TNIK: variants seen among roughly 807,000 people sequenced by gnomAD.
TNIK encodes the protein TRAF2 and NCK interacting kinase.
In TNIK, 49 loss-of-function variants were observed where a neutral mutation model predicts 191.3. The ratio of observed to expected loss-of-function variants is 0.26; its 90% CI spans 0.20 to 0.32. The LOEUF is 0.32. Among genes scored for constraint, TNIK ranks in the 10% least tolerant of loss-of-function variants. The pLI is 1.00. For synonymous variants in TNIK, 594 were observed against 600.9 expected, an observed-to-expected ratio of 0.99 and a Z score of 0.17; for missense variants, 1,155 against 1,702.3, an observed-to-expected ratio of 0.68 and a Z score of 5.66.
At chr3:171,331,071 A>G (rs1756376747) in intron 2 of TNIK, among the ~76,000 whole-genome samples, 1 of 152,222 alleles carries the variant, frequency 6.6e-6, no homozygotes, top group South Asian at 2.1e-4. Flanking sequence ...CATGAAAACA[A>G]GATTTTGTGA....
chr3:171,160,217 C>G (rs1264909444), intron 11 of TNIK, among the ~76,000 whole-genome samples: 1 of 152,164 alleles, frequency 6.6e-6, no homozygotes, highest in Non-Finnish European at 1.5e-5. Flanking sequence ...CTTGAGGAAT[C>G]CTGTGGCAGG....
chr3:171,453,235 G>C (rs143246308), intron 1 of TNIK, among the ~76,000 whole-genome samples: 3 of 152,220 alleles, frequency 2.0e-5, no homozygotes, highest in African/African-American at 7.2e-5. Flanking sequence ...GAATTGTCTA[G>C]TAGTGAATAT....
rs1406119597 is a variant in TNIK at position 171,317,067 on chromosome 3, GTACT to G, written c.123+52549_123+52552del. On this transcript the variant is annotated intron_variant, in intron 2 of 32. Coordinates refer to ENST00000436636, the MANE Select transcript of TNIK (RefSeq NM_015028.4). ...ATAATTAAAAGATCGTATCTGAAAA[GTACT>G]TAAATAGGATAATATCACAGGTCCT... 2.0e-5 allele frequency among the ~76,000 whole-genome samples: 3 copies of G among 150,498 alleles called. No individual in the cohort carries two copies. The East Asian group carries it at 5.8e-4, about 29-fold the overall frequency.
chr3:171,086,994 G>A (rs1055838025), intron 24 of TNIK, among the ~76,000 whole-genome samples: 9 of 152,194 alleles, frequency 5.9e-5, no homozygotes, highest in East Asian at 1.9e-4. Flanking sequence ...TCAACTGTTG[G>A]CCTTGAAATC....
chr3:171,359,688 CA>C (rs1015200040), intron 2 of TNIK, among the ~76,000 whole-genome samples: 2 of 152,060 alleles, frequency 1.3e-5, no homozygotes, highest in Non-Finnish European at 2.9e-5. Context: ...TTTGCATATG[CA>C]AAATATCCAA....
At chr3:171,102,482 C>T (rs554705850) in intron 21 of TNIK, among the ~76,000 whole-genome samples, 20 of 152,184 alleles carry the variant, frequency 1.3e-4, no homozygotes, top group African/African-American at 1.2e-4. Flanking sequence ...GCTGAATATC[C>T]GACTACCTTT....
At chr3:171,208,341 G>A (rs1740361778) in intron 4 of TNIK, among the ~76,000 whole-genome samples, 1 of 151,024 alleles carries the variant, frequency 6.6e-6, no homozygotes, top group African/African-American at 2.4e-5. Context: ...GTACTGAAGA[G>A]AAAGATTAGA....
At chr3:171,428,824 A>G (rs1724984898) in intron 1 of TNIK, among the ~76,000 whole-genome samples, 1 of 152,086 alleles carries the variant, frequency 6.6e-6, no homozygotes, top group Non-Finnish European at 1.5e-5. Flanking sequence ...TTCCTTCCAT[A>G]GCCTCCTCTT....
At position 171,369,628 on chromosome 3, in the gene TNIK, C is replaced by G; in HGVS notation, c.115G>C (p.Val39Leu). The G allele has an allele frequency of 6.3e-7, 1 of 1,576,592 alleles. No individual in the cohort carries two copies. Among genetic ancestry groups the G allele is most frequent in the Non-Finnish European group, 8.6e-7 (1 of 1,159,940 alleles). The change falls in exon 2 of 33, where the codon GTT (valine) becomes CTT (leucine). Residue 39 changes from valine to leucine, a missense_variant. This residue lies in a region of TNIK where 225 missense variants were observed against 438.9 expected (regional missense o/e 0.51). Coordinates refer to ENST00000436636, the MANE Select transcript of TNIK (RefSeq NM_015028.4). ...AGACTCAATGTACTTACCTTATAAA[C>G]TTGCCCGTATGTTCCATTTCCAACA... ...ELVGNGTYGQ[V>L]YKGRHVKTGQ... is the part of the protein sequence containing the mutation.
intron 12 of TNIK, among the ~76,000 whole-genome samples, chr3:171,143,899 T>C (rs1731187150): frequency 6.6e-6 from 1 of 152,212 alleles, no homozygotes; most frequent in African/African-American, 2.4e-5. Context: ...CTGGAGAATG[T>C]TCTTCTAAAA....
At chr3:171,222,366 A>G (rs987778093) in intron 3 of TNIK, among the ~76,000 whole-genome samples, 3 of 152,062 alleles carry the variant, frequency 2.0e-5, no homozygotes, top group South Asian at 2.1e-4. Flanking sequence ...TATTCTCCTA[A>G]TGGACGTTGT....
intron 2 of TNIK, among the ~76,000 whole-genome samples, chr3:171,356,088 C>T (rs1714013540): frequency 6.6e-6 from 1 of 152,036 alleles, no homozygotes; most frequent in Admixed American, 6.6e-5. Context: ...CATTTGCTCA[C>T]AAAATCACAC....
intron 2 of TNIK, among the ~76,000 whole-genome samples, chr3:171,352,633 G>A (rs777772083): frequency 3.3e-5 from 5 of 152,190 alleles, no homozygotes; most frequent in Non-Finnish European, 5.9e-5. Context: ...CCCTATTTAA[G>A]TGAAAGTATT....
intron 2 of TNIK, among the ~76,000 whole-genome samples, chr3:171,295,170 A>C (rs922615353): frequency 3.3e-5 from 5 of 152,194 alleles, no homozygotes; most frequent in African/African-American, 1.2e-4. Context: ...AATGGGTCTG[A>C]CCTAGGAGAA....
At chr3:171,317,635 G>C (rs1230133589) in intron 2 of TNIK, among the ~76,000 whole-genome samples, 2 of 152,158 alleles carry the variant, frequency 1.3e-5, no homozygotes, top group Admixed American at 6.6e-5. Flanking sequence ...ACAGAATGAA[G>C]ATGACAAGAA....
intron 1 of TNIK, among the ~76,000 whole-genome samples, chr3:171,391,712 C>T (rs1719530772): frequency 6.6e-6 from 1 of 152,136 alleles, no homozygotes; most frequent in Admixed American, 6.6e-5. Flanking sequence ...AACTTCCATG[C>T]ATATGTATGT....
intron 26 of TNIK, among the ~76,000 whole-genome samples, chr3:171,083,841 A>G (rs975687962): frequency 3.3e-5 from 5 of 152,134 alleles, no homozygotes; most frequent in African/African-American, 1.2e-4. Context: ...TGATCACATT[A>G]TAGGCTTTGC....
chr3:171,440,146 C>T (rs1726596350), intron 1 of TNIK, among the ~76,000 whole-genome samples: 1 of 152,186 alleles, frequency 6.6e-6, no homozygotes, highest in South Asian at 2.1e-4. Flanking sequence ...GTTCTGCAGA[C>T]TCTTAAGCCC....
Position 171,110,839 on chromosome 3 carries a change from C to T in TNIK, c.2159G>A (p.Ser720Asn). The change falls in exon 19 of 33, where the codon AGC (serine) becomes AAC (asparagine). Residue 720 changes from serine to asparagine, a missense_variant. This residue lies in a region of TNIK where 735 missense variants were observed against 848.0 expected (regional missense o/e 0.87). Transcript: ENST00000436636. Reference protein sequence around the residue: ...DLRRTEPILESPLQRTSSGSS... With the variant: ...DLRRTEPILENPLQRTSSGSS... ...GCCACTGCTGGTCCTCTGCAAGGGG[C>T]TCTCCAAGATGGGCTCAGTTCTCCG... 13 of 1,605,284 alleles carry T rather than the reference C, an allele frequency of 8.1e-6. No individual in the cohort carries two copies. The highest frequency in any genetic ancestry group is 1.1e-5 in the Non-Finnish European group (13 of 1,176,490).
Sources: allele counts gnomAD v4.1 joint callset (sites outside exome capture counted in the v4.1 genomes callset), GRCh38; gene constraint gnomAD v4.1.1; regional missense constraint gnomAD v4.1.1; transcripts MANE v1.5; gene names NCBI Gene and HGNC (gene_info 2026-07-23, HGNC 2026-07-21).